The following ABCC9 variants were observed in gnomAD, a reference collection of about 807,000 sequenced individuals.
ABCC9 encodes ATP binding cassette subfamily C member 9.
Under a neutral mutation model 188.3 loss-of-function variants are expected in ABCC9, and 95 were observed. The observed-to-expected ratio is 0.50, with a 90% CI of 0.43 to 0.60. The LOEUF (loss-of-function observed/expected upper bound fraction) is 0.60. ABCC9 is among the 20% of genes least tolerant of loss of function. The pLI, the probability that ABCC9 is intolerant of heterozygous loss-of-function variation, is 0.00. For synonymous variants in ABCC9, 659 were observed against 652.7 expected (o/e 1.01, Z -0.15); for missense variants, 1,102 against 1,876.3 (o/e 0.59, Z 7.62).
At chr12:21,904,424 A>T (rs1461400512) in intron 12 of ABCC9, among the ~76,000 whole-genome samples, 1 of 152,236 alleles carries the variant, frequency 6.6e-6, no homozygotes. Flanking sequence ...CAAAATTGAC[A>T]AATGGAATCT....
At chr12:21,925,835 C>A in intron 5 of ABCC9, 107 bp downstream of exon 5, 1 of 1,229,984 alleles carries the variant, frequency 8.1e-7, no homozygotes, top group Non-Finnish European at 1.2e-6. Flanking sequence ...ACTTTCTACT[C>A]CCCACACACT....
At chr12:21,864,210 C>T (rs1397841706) in intron 19 of ABCC9, among the ~76,000 whole-genome samples, 1 of 152,062 alleles carries the variant, frequency 6.6e-6, no homozygotes, top group Non-Finnish European at 1.5e-5. Context: ...AAAGTTGGGA[C>T]ACGTGTGACT....
intron 5 of ABCC9, chr12:21,923,874 G>A (rs1948940521): frequency 2.9e-6 from 2 of 695,704 alleles, no homozygotes; most frequent in Non-Finnish European, 2.6e-6. Flanking sequence ...TAGTACAGAT[G>A]TCTATTAACA....
At chr12:21,923,522 A>C (rs113615977) in intron 5 of ABCC9, 4,054 of 278,252 alleles carry the variant, frequency 0.015, 143 homozygotes, top group African/African-American at 0.082. Context: ...CAATAAACTC[A>C]TCAAAGAGTG....
intron 16 of ABCC9, among the ~76,000 whole-genome samples, chr12:21,881,707 AACAC>A (rs3062604): frequency 8.1e-5 from 12 of 148,264 alleles, no homozygotes; most frequent in African/African-American, 1.7e-4. Context: ...CCTAGGGAAC[AACAC>A]ACACACACAC....
At chr12:21,873,396 T>C (rs767188797) in intron 17 of ABCC9, among the ~76,000 whole-genome samples, 3 of 152,100 alleles carry the variant, frequency 2.0e-5, no homozygotes, top group Non-Finnish European at 4.4e-5. Context: ...CACTGAAAAC[T>C]ATGACATTGG....
intron 17 of ABCC9, among the ~76,000 whole-genome samples, chr12:21,873,403 T>C (rs1396627128): frequency 6.6e-6 from 1 of 152,114 alleles, no homozygotes. Flanking sequence ...AACTATGACA[T>C]TGGTGAAATT....
intron 36 of ABCC9, 108 bp from the exon 37 acceptor site, chr12:21,810,063 G>A: frequency 1.3e-6 from 1 of 744,702 alleles, no homozygotes; most frequent in East Asian, 2.7e-5. Flanking sequence ...ATTTGTTTTG[G>A]TTACTGCTGT....
chr12:21,872,056 A>G (rs935484772), intron 18 of ABCC9, among the ~76,000 whole-genome samples: 19 of 152,234 alleles, frequency 1.2e-4, no homozygotes, highest in African/African-American at 2.4e-5. Context: ...TCATGCTGGA[A>G]GCAATCATTC....
chr12:21,818,200 C>G lies in ABCC9; in HGVS notation c.3721G>C (p.Gly1241Arg). 6.2e-7 allele frequency: 1 copy of G among 1,613,924 alleles called. No individual in the cohort carries two copies. Among genetic ancestry groups the G allele is most frequent in the Non-Finnish European group, 8.5e-7 (1 of 1,179,910 alleles). Residue 1241 changes from glycine to arginine, a missense_variant, in exon 32 of 40, where the codon GGG becomes CGG. Around this residue, in one of 12 missense-constraint regions of ABCC9, gnomAD observed 143 missense variants for 225.6 expected, o/e 0.63. Transcript: ENST00000261200. ...CCTACCAATCCAGAATTCGAAGACC[C>G]ACTAATGGATGCTATAGATGCAGTG... ...VLTASIASISGSSNSGLVGLG... is the reference protein window; with the variant it reads ...VLTASIASISRSSNSGLVGLG...
At position 21,797,974 on chromosome 12, in the gene ABCC9, T is replaced by C. The variant is rs1291930999; in HGVS notation, c.*3070A>G. 2 of 152,228 alleles carry C rather than the reference T, an allele frequency of 1.3e-5. No individual in the cohort carries two copies. Among genetic ancestry groups the C allele is most frequent in the Non-Finnish European group, 2.9e-5 (2 of 68,026 alleles). The allele number at this position is 152,228 out of a possible 1,614,324, so 9.4% of individuals were successfully genotyped here. A position where few individuals can be genotyped will look rare whatever the true frequency, so the allele number is the denominator to read the frequency against. The stretch of plus-strand genomic sequence containing the variant: ...AGATATGTACCTATATAGTCAAATA[T>C]TATTTCAAGGTGAATCTTTTTATAT... On this transcript the variant is annotated 3_prime_UTR_variant, in exon 40 of 40. Coordinates refer to ENST00000261200, the MANE Select transcript of ABCC9 (RefSeq NM_020297.4).
intron 8 of ABCC9, among the ~76,000 whole-genome samples, chr12:21,912,256 T>C (rs1269538203): frequency 6.6e-6 from 1 of 151,900 alleles, no homozygotes; most frequent in African/African-American, 2.4e-5. Flanking sequence ...AAATCAATAC[T>C]TAGAAAGAAA....
At chr12:21,855,617 T>C (rs904792505) in intron 22 of ABCC9, among the ~76,000 whole-genome samples, 1 of 152,208 alleles carries the variant, frequency 6.6e-6, no homozygotes, top group Non-Finnish European at 1.5e-5. Flanking sequence ...TGACCACTCT[T>C]GGAGGCTGGC....
Position 21,887,930 on chromosome 12 carries a change from G to T in ABCC9, c.1807C>A (p.Gln603Lys). 1 of 1,610,582 alleles carries T rather than the reference G, an allele frequency of 6.2e-7. No homozygotes were observed. The highest frequency in any genetic ancestry group is 1.1e-5 in the South Asian group (1 of 90,994). Reference sequence around the variant, plus strand: ...CTCAAGAGAAACTCATTCAGCTTTTGAACACTGCAAAAAACAATAAACACA... The same window carrying T: ...CTCAAGAGAAACTCATTCAGCTTTTTAACACTGCAAAAAACAATAAACACA... The part of the protein sequence containing the change: ...RFAVKAIISV[Q>K]KLNEFLLSDE... Residue 603 changes from glutamine to lysine, a missense_variant, in exon 15 of 40, where the codon CAA (glutamine) becomes AAA (lysine). By Grantham distance (53) the Gln-to-Lys change is moderately conservative (BLOSUM62 1). Around this residue, in one of 12 missense-constraint regions of ABCC9, gnomAD observed 258 missense variants for 325.6 expected, o/e 0.79. Coordinates refer to ENST00000261200, the MANE Select transcript of ABCC9 (RefSeq NM_020297.4).
At chr12:21,855,632 G>A (rs537419646) in intron 22 of ABCC9, among the ~76,000 whole-genome samples, 2 of 152,302 alleles carry the variant, frequency 1.3e-5, no homozygotes, top group East Asian at 1.9e-4. Flanking sequence ...GCTGGCCAAT[G>A]TTTCAAACTC....
At chr12:21,824,732 G>T (rs1943262793) in intron 31 of ABCC9, among the ~76,000 whole-genome samples, 1 of 152,134 alleles carries the variant, frequency 6.6e-6, no homozygotes, top group Non-Finnish European at 1.5e-5. Flanking sequence ...GGGTGTGTGT[G>T]TCCAGAAATT....
intron 16 of ABCC9, 23 bp downstream of exon 16, chr12:21,882,743 A>G: frequency 6.4e-7 from 1 of 1,556,412 alleles, no homozygotes; most frequent in South Asian, 1.1e-5. Context: ...TATTCATGTA[A>G]GAATCCAGGA....
chr12:21,806,210 C>A lies in ABCC9; in HGVS notation c.4450-150G>T, dbSNP rs1199790838. The A allele has an allele frequency of 6.9e-6, 5 of 722,384 alleles. No individual in the cohort carries two copies. The East Asian group carries it at 1.3e-4, about 19-fold the overall frequency. The allele number at this position is 722,384 out of a possible 1,614,324, so 44.7% of individuals were successfully genotyped here. On this transcript the variant is annotated intron_variant, in intron 38 of 39. Coordinates refer to ENST00000261200, the MANE Select transcript of ABCC9 (RefSeq NM_020297.4). The stretch of plus-strand genomic sequence containing the variant: ...AGTCATAAGAAGGGGCAGTCCCCAG[C>A]AGCAGGTTCATGCTGGATTCTGTAC...
At position 21,916,927 on chromosome 12, in the gene ABCC9, A is replaced by G; in HGVS notation, c.573+10T>C. On this transcript the variant is annotated intron_variant, in intron 6 of 39. Coordinates refer to ENST00000261200, the MANE Select transcript of ABCC9 (RefSeq NM_020297.4). ...TCCAAGTAACTAAACAAAAGCCATT[A>G]GCTACCTACCCTGACTCGAATGACA... 6.3e-7 allele frequency: 1 copy of G among 1,587,740 alleles called. No individual in the cohort carries two copies. The highest frequency in any genetic ancestry group is 8.6e-7 in the Non-Finnish European group (1 of 1,166,498).
Sources: allele counts gnomAD v4.1 joint callset (sites outside exome capture counted in the v4.1 genomes callset), GRCh38; gene constraint gnomAD v4.1.1; regional missense constraint gnomAD v4.1.1; transcripts MANE v1.5; gene names NCBI Gene and HGNC (gene_info 2026-07-23, HGNC 2026-07-21).